The following WDFY4 variants were observed in gnomAD, a reference collection of about 807,000 sequenced individuals.
The protein encoded by WDFY4 is WDFY family member 4, also known as WD repeat- and FYVE domain-containing protein 4.
In WDFY4, 169 loss-of-function variants were observed where a neutral mutation model predicts 351.9. That is an observed-to-expected ratio of 0.48 (90% CI 0.42 to 0.55). The LOEUF (loss-of-function observed/expected upper bound fraction) is 0.55. WDFY4 is among the 20% of genes least tolerant of loss of function. The pLI is 0.00. For missense variants in WDFY4, 3,803 were observed against 3,935.6 expected (o/e 0.97, Z 0.90); for synonymous variants, 1,622 against 1,574.6 (o/e 1.03, Z -0.71).
At chr10:48,756,787 T>TAGTC (rs1386822099) in intron 12 of WDFY4, among the ~76,000 whole-genome samples, 4 of 152,116 alleles carry the variant, frequency 2.6e-5, no homozygotes, top group Non-Finnish European at 5.9e-5. Flanking sequence ...CATTTACGGG[T>TAGTC]AGTCCAATTG....
intron 20 of WDFY4, among the ~76,000 whole-genome samples, chr10:48,787,891 C>CTTCTT (rs1334393471): frequency 3.0e-5 from 2 of 66,806 alleles, no homozygotes; most frequent in East Asian, 5.8e-4. Flanking sequence ...TCTTCTTCTT[C>CTTCTT]TCCTTCTTCT....
chr10:48,907,117 C>T lies in WDFY4; in HGVS notation c.7586+5254C>T, dbSNP rs538497664. On this transcript the variant is annotated intron_variant, in intron 47 of 61. Coordinates refer to ENST00000325239, the MANE Select transcript of WDFY4 (RefSeq NM_001394531.1). ...TCTGCATGAATGGGAGCCTAACATT[C>T]GCACTTATTTTTGTACAGGCATTTC... Among the ~76,000 whole-genome samples, 22 of 152,280 alleles carry T rather than the reference C, an allele frequency of 1.4e-4. 1 individual carries two copies. The East Asian group carries it at 2.3e-3, about 16-fold the overall frequency.
chr10:48,727,464 C>T lies in WDFY4; in HGVS notation c.782-6C>T. Reference sequence around the variant, plus strand: ...AGCAGGTCTCTCCTGTGCTTCCCTCCTGCAGCCACAGACTGTGTCAGGCTC... The same window carrying T: ...AGCAGGTCTCTCCTGTGCTTCCCTCTTGCAGCCACAGACTGTGTCAGGCTC... On this transcript the variant is annotated splice_polypyrimidine_tract_variant and splice_region_variant and intron_variant, in intron 6 of 61. Transcript: ENST00000325239. 1 of 1,551,414 alleles carries T rather than the reference C, an allele frequency of 6.4e-7. No individual in the cohort carries two copies. The highest frequency in any genetic ancestry group is 1.4e-5 in the African/African-American group (1 of 73,178).
intron 52 of WDFY4, among the ~76,000 whole-genome samples, chr10:48,958,966 G>A (rs1355032592): frequency 6.6e-6 from 1 of 152,186 alleles, no homozygotes; most frequent in East Asian, 1.9e-4. Flanking sequence ...AGGCAAGACT[G>A]TAGCTCACAT....
In WDFY4 at chr10:48,823,580, T is replaced by G. The variant is rs1365419607; in HGVS notation, c.5982+1043T>G. 17 of 1,066,182 alleles carry G rather than the reference T, an allele frequency of 1.6e-5. No homozygotes were observed. The East Asian group carries it at 5.5e-4, about 35-fold the overall frequency. The allele number at this position is 1,066,182 out of a possible 1,614,324, so 66.0% of individuals were successfully genotyped here. On this transcript the variant is annotated intron_variant, in intron 35 of 61. Transcript: ENST00000325239. ...GAAAGACTTGAATTCAAAGGCTTCTTCAGGAACAACTCCAAGAGAGGAGAA... is the reference window on the plus strand; with the variant it reads ...GAAAGACTTGAATTCAAAGGCTTCTGCAGGAACAACTCCAAGAGAGGAGAA...
intron 57 of WDFY4, among the ~76,000 whole-genome samples, chr10:48,973,743 T>G (rs1247961650): frequency 3.0e-4 from 46 of 152,168 alleles, no homozygotes; most frequent in Non-Finnish European, 2.9e-5. Context: ...GCATGTGTGG[T>G]GGGCCACTTT....
intron 59 of WDFY4, 32 bp from the exon 60 acceptor site, chr10:48,978,277 C>A (rs1243059732): frequency 1.3e-6 from 2 of 1,545,102 alleles, no homozygotes; most frequent in South Asian, 2.4e-5. Flanking sequence ...GGATCGTCTT[C>A]CCCGCCGATG....
At chr10:48,744,739 T>C (rs2064959008) in intron 12 of WDFY4, among the ~76,000 whole-genome samples, 1 of 152,240 alleles carries the variant, frequency 6.6e-6, no homozygotes, top group Admixed American at 6.5e-5. Flanking sequence ...GAAAATTTAT[T>C]CTCATGAGAA....
intron 39 of WDFY4, among the ~76,000 whole-genome samples, chr10:48,836,828 AGGCCACTTTCTCAT>A (rs2068415339): frequency 1.3e-5 from 2 of 152,176 alleles, no homozygotes; most frequent in Non-Finnish European, 2.9e-5. Context: ...CTCAGGGTGC[AGGCCACTTTCTCAT>A]GTCCACCATC....
At chr10:48,774,134 G>A (rs967778934) in intron 13 of WDFY4, among the ~76,000 whole-genome samples, 1 of 152,238 alleles carries the variant, frequency 6.6e-6, no homozygotes, top group Non-Finnish European at 1.5e-5. Flanking sequence ...GAAATATTGT[G>A]TGGGTCAAAC....
chr10:48,849,234 G>T (rs562369037), intron 39 of WDFY4, among the ~76,000 whole-genome samples: 1 of 152,106 alleles, frequency 6.6e-6, no homozygotes, highest in Non-Finnish European at 1.5e-5. Context: ...TAATATATGG[G>T]GTTAAGTTCT....
intron 1 of WDFY4, among the ~76,000 whole-genome samples, chr10:48,708,916 A>G (rs1317625886): frequency 6.6e-6 from 1 of 152,228 alleles, no homozygotes; most frequent in African/African-American, 2.4e-5. Flanking sequence ...ATGTGCCTCT[A>G]CAAATACCAG....
intron 12 of WDFY4, among the ~76,000 whole-genome samples, chr10:48,749,358 A>C (rs1212974671): frequency 2.0e-5 from 3 of 151,994 alleles, no homozygotes; most frequent in African/African-American, 4.8e-5. Flanking sequence ...TACACAAAAC[A>C]CACACACACC....
chr10:48,790,597 T>G (rs2066645299), intron 22 of WDFY4, 130 bp from the exon 23 acceptor site: 1 of 1,022,666 alleles, frequency 9.8e-7, no homozygotes, highest in Non-Finnish European at 1.4e-6. Flanking sequence ...CTGTCCCAGG[T>G]GCACAGGTCC....
chr10:48,901,293 C>A (rs574074947), intron 46 of WDFY4, among the ~76,000 whole-genome samples: 2 of 152,226 alleles, frequency 1.3e-5, no homozygotes, highest in African/African-American at 4.8e-5. Flanking sequence ...AGACATACAA[C>A]CCATTAAACT....
Position 48,788,671 on chromosome 10 carries a change from A to G in WDFY4, c.3950A>G (p.Lys1317Arg), listed in dbSNP as rs1384426897. ...GAGGTGGACAGCCGCCTGATCGCCA[A>G]AGAGGTACATCTTCTAACTTCGCTG... ...YNEVDSRLIAKEMNISSRDNA... is the reference protein window; with the variant it reads ...YNEVDSRLIAREMNISSRDNA... The change falls in exon 21 of 62, where the codon AAA (lysine) becomes AGA (arginine). Residue 1317 changes from lysine to arginine, a missense_variant. Lys to Arg is a conservative substitution (Grantham distance 26, BLOSUM62 2). This residue lies in a region of WDFY4 where 3,054 missense variants were observed against 3,148.6 expected (regional missense o/e 0.97). Transcript: ENST00000325239. The G allele has an allele frequency of 4.5e-6, 7 of 1,551,644 alleles. No homozygotes were observed. The South Asian group carries it at 5.9e-5, about 13-fold the overall frequency.
intron 23 of WDFY4, among the ~76,000 whole-genome samples, chr10:48,793,896 G>C (rs1324366479): frequency 6.6e-6 from 1 of 152,204 alleles, no homozygotes; most frequent in Non-Finnish European, 1.5e-5. Context: ...TTTCTGTCTA[G>C]CTGATTTATC....
chr10:48,693,484 G>T (rs1027197209), intron 1 of WDFY4, among the ~76,000 whole-genome samples: 1 of 152,184 alleles, frequency 6.6e-6, no homozygotes, highest in African/African-American at 2.4e-5. Context: ...CCTTCGGCAC[G>T]TTGAATAATT....
intron 24 of WDFY4, among the ~76,000 whole-genome samples, chr10:48,798,317 T>C (rs562266806): frequency 1.1e-3 from 160 of 149,872 alleles, no homozygotes; most frequent in African/African-American, 3.7e-3. Flanking sequence ...ATTAATAAAA[T>C]AGGAAAAAAA....
Sources: gnomAD v4.1 joint callset for allele counts (sites outside exome capture counted in the v4.1 genomes callset) on GRCh38, gnomAD v4.1.1 for gene constraint, gnomAD v4.1.1 regional missense constraint, MANE v1.5 for transcripts, NCBI Gene and HGNC (gene_info 2026-07-23, HGNC 2026-07-21) for gene names.